The following SYMPK variants were observed in gnomAD, a reference collection of about 807,000 sequenced individuals.
SYMPK encodes symplekin scaffold protein.
A neutral mutation model predicts 136.4 loss-of-function variants in SYMPK; 49 were observed. The observed-to-expected ratio is 0.36, with a 90% CI of 0.29 to 0.46. The LOEUF (loss-of-function observed/expected upper bound fraction) is 0.46. SYMPK is among the 20% of genes least tolerant of loss of function. SYMPK has a pLI of 1.00. For synonymous variants in SYMPK, 766 were observed against 713.0 expected, an observed-to-expected ratio of 1.07 and a Z score of -1.19; for missense variants, 1,365 against 1,690.0, an observed-to-expected ratio of 0.81 and a Z score of 3.37.
chr19:45,828,922 G>A, intron 14 of SYMPK, 48 bp downstream of exon 14: 2 of 1,575,788 alleles, frequency 1.3e-6, no homozygotes, highest in African/African-American at 1.3e-5. Flanking sequence ...GCAGCACCAG[G>A]AGAGGAAGCC....
chr19:45,851,164 G>T (rs1052630199), intron 5 of SYMPK, among the ~76,000 whole-genome samples: 2 of 152,194 alleles, frequency 1.3e-5, no homozygotes, highest in African/African-American at 4.8e-5. Context: ...GCGTCACTCT[G>T]GCTGCTGAGT....
At chr19:45,859,296 T>TAAAA (rs34863014) in intron 1 of SYMPK, among the ~76,000 whole-genome samples, 1 of 134,466 alleles carries the variant, frequency 7.4e-6, no homozygotes, top group Non-Finnish European at 1.6e-5. Flanking sequence ...GACAAGTCTT[T>TAAAA]AAAAAAAAAA....
At chr19:45,835,917 T>TAAAGAAAG (rs71340704) in intron 10 of SYMPK, among the ~76,000 whole-genome samples, 44,864 of 147,620 alleles carry the variant, frequency 0.3, 7,000 homozygotes, top group Non-Finnish European at 0.33. Context: ...ATCTCATTCA[T>TAAAGAAAG]AAAGAAAGAA....
intron 1 of SYMPK, among the ~76,000 whole-genome samples, chr19:45,860,174 G>A (rs1032735244): frequency 2.0e-5 from 3 of 151,628 alleles, no homozygotes; most frequent in Admixed American, 6.6e-5. Flanking sequence ...TATTGAACAC[G>A]GCCGGGCACG....
At position 45,823,761 on chromosome 19, in the gene SYMPK, G is replaced by A. The variant is rs199847893; in HGVS notation, c.2599+6C>T. The A allele has an allele frequency of 7.8e-4, 1,257 of 1,611,512 alleles. 10 individuals carry two copies. The highest frequency in any genetic ancestry group is 4.0e-3 in the South Asian group (360 of 90,968). Reference sequence around the variant, plus strand: ...AGCCATGAAAGGTGGGGGTCTCCAGGGTCACCTTTGTCTGTGAGGCTGTGC... The same window carrying A: ...AGCCATGAAAGGTGGGGGTCTCCAGAGTCACCTTTGTCTGTGAGGCTGTGC... On this transcript the variant is annotated splice_donor_region_variant and intron_variant, in intron 19 of 26. Transcript: ENST00000245934.
intron 10 of SYMPK, 97 bp from the exon 11 acceptor site, chr19:45,835,325 A>C (rs992959852): frequency 1.5e-6 from 2 of 1,302,524 alleles, no homozygotes; most frequent in Admixed American, 4.8e-5. Context: ...GCAGTGCCTA[A>C]GACCGACTTG....
Position 45,816,936 on chromosome 19 carries a change from C to A in SYMPK, c.3120G>T (p.Lys1040Asn). Residue 1040 changes from lysine (K) to asparagine (N), a missense_variant, in exon 24 of 27, where the codon AAG becomes AAT. Lys to Asn is a moderately conservative substitution (Grantham distance 94). This residue lies in a region of SYMPK where 156 missense variants were observed against 217.8 expected (regional missense o/e 0.72). Coordinates refer to ENST00000245934, the MANE Select transcript of SYMPK (RefSeq NM_004819.3). ...TCTGGGGCTTTGTGCGCTGGCAGCACTTGATGAAGCCCTCCCACACCTTGG... is the reference window on the plus strand; with the variant it reads ...TCTGGGGCTTTGTGCGCTGGCAGCAATTGATGAAGCCCTCCCACACCTTGG... ...KYPKVWEGFI[K>N]CCQRTKPQSF... The A allele has an allele frequency of 6.4e-7, 1 of 1,561,248 alleles. No individual in the cohort carries two copies. The highest frequency in any genetic ancestry group is 8.7e-7 in the Non-Finnish European group (1 of 1,152,606).
chr19:45,841,187 T>C (rs953295295), intron 9 of SYMPK, among the ~76,000 whole-genome samples: 1 of 152,142 alleles, frequency 6.6e-6, no homozygotes, highest in Non-Finnish European at 1.5e-5. Flanking sequence ...TTTCACCATG[T>C]TAGCCAGGCT....
Position 45,816,567 on chromosome 19 carries a change from A to G in SYMPK, c.3269T>C (p.Ile1090Thr), listed in dbSNP as rs1477246229. ...RSFTPHQQAH[I>T]PNSIMTILEA... Reference sequence around the variant, plus strand: ...CAAGATGGTCATGATGGAGTTAGGGATGTGAGCTTGCTGGGTGGAGAGCAG... The same window carrying G: ...CAAGATGGTCATGATGGAGTTAGGGGTGTGAGCTTGCTGGGTGGAGAGCAG... The change falls in exon 25 of 27, where the codon ATC becomes ACC. Residue 1090 changes from isoleucine to threonine, a missense_variant. Ile to Thr is a moderately conservative substitution (Grantham distance 89, BLOSUM62 -1). This residue lies in a region of SYMPK where 341 missense variants were observed against 270.5 expected (regional missense o/e 1.26). Coordinates refer to ENST00000245934, the MANE Select transcript of SYMPK (RefSeq NM_004819.3). 1 of 1,613,482 alleles carries G rather than the reference A, an allele frequency of 6.2e-7. No homozygotes were observed. Among genetic ancestry groups the G allele is most frequent in the South Asian group, 1.1e-5 (1 of 91,056 alleles).
intron 11 of SYMPK, among the ~76,000 whole-genome samples, chr19:45,832,719 T>C (rs1971210392): frequency 6.6e-6 from 1 of 151,730 alleles, no homozygotes; most frequent in Non-Finnish European, 1.5e-5. Context: ...ATCTCAAAAA[T>C]GTACAGCAGG....
intron 8 of SYMPK, 136 bp from the exon 9 acceptor site, chr19:45,842,625 G>T: frequency 7.8e-7 from 1 of 1,278,472 alleles, no homozygotes; most frequent in Non-Finnish European, 1.1e-6. Context: ...CAGATCTAAC[G>T]TGTGGCTTTC....
intron 1 of SYMPK, among the ~76,000 whole-genome samples, chr19:45,860,101 CAG>C (rs1484413544): frequency 2.7e-5 from 4 of 146,848 alleles, no homozygotes; most frequent in Non-Finnish European, 6.0e-5. Flanking sequence ...ACCTGGGCAA[CAG>C]AGCATGAACC....
At chr19:45,824,099 G>A (rs1257357837) in intron 18 of SYMPK, 2 of 511,490 alleles carry the variant, frequency 3.9e-6, no homozygotes, top group South Asian at 4.2e-5. Context: ...TCCCAGCCCT[G>A]GCTGGGCTGT....
chr19:45,848,674 T>A, intron 6 of SYMPK, 76 bp downstream of exon 6: 1 of 1,594,896 alleles, frequency 6.3e-7, no homozygotes. Flanking sequence ...CGGATGCTGG[T>A]TTTGAACCCC....
intron 22 of SYMPK, chr19:45,820,797 A>C: frequency 3.4e-6 from 1 of 292,706 alleles, no homozygotes; most frequent in Non-Finnish European, 6.3e-6. Flanking sequence ...ACCTCTCTGG[A>C]GCCTCCATTT....
At chr19:45,844,899 T>G (rs1271317329) in intron 7 of SYMPK, among the ~76,000 whole-genome samples, 2 of 152,116 alleles carry the variant, frequency 1.3e-5, no homozygotes, top group Non-Finnish European at 2.9e-5. Context: ...CTTAAAAAAT[T>G]TTAATGGGTA....
rs1003588187 is a variant in SYMPK, at chr19:45,815,777, T to C, written c.3687+74A>G. On this transcript the variant is annotated intron_variant, in intron 26 of 26. Transcript: ENST00000245934. ...CTCCCCTTCAGGCCCTGCCCCCTGA[T>C]GGCCCCTCCTCCCCCACCTTCACCC... The C allele has an allele frequency of 5.0e-6, 8 of 1,586,430 alleles. No homozygotes were observed. In the African/African-American group the frequency reaches 5.4e-5, roughly 11 times the overall value.
intron 8 of SYMPK, 76 bp downstream of exon 8, chr19:45,843,942 CAAAAAAAAAAAA>C (rs57025339): frequency 3.7e-5 from 9 of 243,554 alleles, no homozygotes; most frequent in Admixed American, 3.0e-4. Flanking sequence ...GACTCTGTCT[CAAAAAAAAAAAA>C]AAAAAAAAAA....
intron 11 of SYMPK, 63 bp downstream of exon 11, chr19:45,835,010 CCAGTA>C: frequency 7.2e-7 from 1 of 1,398,584 alleles, no homozygotes; most frequent in Non-Finnish European, 9.5e-7. Flanking sequence ...AGTTGCTCTT[CCAGTA>C]AGGAGAACCC....
Sources: allele counts gnomAD v4.1 joint callset (sites outside exome capture counted in the v4.1 genomes callset), GRCh38; gene constraint gnomAD v4.1.1; regional missense constraint gnomAD v4.1.1; transcripts MANE v1.5; gene names NCBI Gene and HGNC (gene_info 2026-07-23, HGNC 2026-07-21).